PPP4R1: variants seen among roughly 807,000 people sequenced by gnomAD.
PPP4R1 encodes the protein protein phosphatase 4 regulatory subunit 1, also known as serine/threonine-protein phosphatase 4 regulatory subunit 1.
PPP4R1 carries 42 observed loss-of-function variants against 111.2 expected under a neutral mutation model. The observed-to-expected ratio is 0.38, with a 90% CI of 0.29 to 0.49. The LOEUF (loss-of-function observed/expected upper bound fraction) is 0.49, where lower values mean the gene tolerates loss of function less well. Ranked by LOEUF, PPP4R1 falls within the 20% of genes least tolerant of loss-of-function variation. PPP4R1 has a pLI of 0.97. For missense variants in PPP4R1, 1,012 were observed against 1,161.6 expected (o/e 0.87, Z 1.87); for synonymous variants, 409 against 405.5 (o/e 1.01, Z -0.10).
At position 9,547,473 on chromosome 18, in the gene PPP4R1, T is replaced by C. The variant is rs1598879529; in HGVS notation, c.*316A>G. 8.5e-6 allele frequency: 2 copies of C among 235,640 alleles called. No individual in the cohort carries two copies. The highest frequency in any genetic ancestry group is 1.7e-4 in the East Asian group (2 of 11,632). The allele number at this position is 235,640 out of a possible 1,614,324, so 14.6% of individuals were successfully genotyped here. ...GCAGGTCTCTGGGAATCTCATCCCT[T>C]CCATAAGGAAAATGCTCTGCCAATT... On this transcript the variant is annotated 3_prime_UTR_variant, in exon 20 of 20. Coordinates refer to ENST00000400556, the MANE Select transcript of PPP4R1 (RefSeq NM_001042388.3).
intron 11 of PPP4R1, among the ~76,000 whole-genome samples, chr18:9,566,766 T>C (rs1333830458): frequency 6.6e-6 from 1 of 152,138 alleles, no homozygotes; most frequent in Non-Finnish European, 1.5e-5. Context: ...CTGCCTGTGC[T>C]CTGTCACTGG....
rs1269709128 is a variant in PPP4R1, at chr18:9,563,388, T to C, written c.1736A>G (p.Asp579Gly). Residue 579 changes from aspartate (D) to glycine (G), a missense_variant, in exon 12 of 20, where the codon GAT (aspartate) becomes GGT (glycine). Asp to Gly is a moderately conservative substitution (Grantham distance 94). Transcript: ENST00000400556. ...TACTGAGTTTGTTACCTCAACAGCATCGCTGATTAAAGGCACAGAATCTTC... is the reference window on the plus strand; with the variant it reads ...TACTGAGTTTGTTACCTCAACAGCACCGCTGATTAAAGGCACAGAATCTTC... ...NQEDSVPLISDAVENMDSTLH... is the reference protein window; with the variant it reads ...NQEDSVPLISGAVENMDSTLH... The C allele has an allele frequency of 5.6e-6, 9 of 1,611,382 alleles. No individual in the cohort carries two copies. Among genetic ancestry groups the C allele is most frequent in the East Asian group, 4.5e-5 (2 of 44,844 alleles).
chr18:9,549,927 G>C (rs2066462072), intron 18 of PPP4R1, 125 bp downstream of exon 18: 2 of 1,387,118 alleles, frequency 1.4e-6, no homozygotes, highest in Non-Finnish European at 1.9e-6. Context: ...CCTATAAACA[G>C]CCAGGCTACT....
intron 2 of PPP4R1, among the ~76,000 whole-genome samples, chr18:9,605,566 C>CAAAAAAAAAAAA (rs34208690): frequency 1.9e-4 from 13 of 67,636 alleles, no homozygotes; most frequent in Non-Finnish European, 2.8e-4. Context: ...GCAGTCCTGT[C>CAAAAAAAAAAAA]AAAAAAAAAA....
chr18:9,613,817 C>G (rs1598975397), intron 2 of PPP4R1: 1 of 154,266 alleles, frequency 6.5e-6, no homozygotes, highest in East Asian at 1.9e-4. Flanking sequence ...TAAGGAAACA[C>G]ACCTCCCGCG....
At chr18:9,606,636 A>G (rs1318148478) in intron 2 of PPP4R1, among the ~76,000 whole-genome samples, 1 of 152,100 alleles carries the variant, frequency 6.6e-6, no homozygotes, top group Non-Finnish European at 1.5e-5. Flanking sequence ...ATTTAAGGCA[A>G]GAATAATTTG....
chr18:9,585,711 T>C lies in PPP4R1; in HGVS notation c.586-883A>G, dbSNP rs2067104513. ...AGGTTGTAGGCTATAAATTAGAATATAAAAATCTATTGTATTTCTACAAAT... is the reference window on the plus strand; with the variant it reads ...AGGTTGTAGGCTATAAATTAGAATACAAAAATCTATTGTATTTCTACAAAT... On this transcript the variant is annotated intron_variant, in intron 6 of 19. Coordinates refer to ENST00000400556, the MANE Select transcript of PPP4R1 (RefSeq NM_001042388.3). 2.0e-5 allele frequency among the ~76,000 whole-genome samples: 3 copies of C among 152,128 alleles called. No individual in the cohort carries two copies. In the South Asian group the frequency reaches 6.2e-4, roughly 32 times the overall value.
chr18:9,610,762 TCTC>T (rs1223237973), intron 2 of PPP4R1, among the ~76,000 whole-genome samples: 3 of 152,050 alleles, frequency 2.0e-5, no homozygotes. Flanking sequence ...CCCAGCCTAT[TCTC>T]CTAAATTTAA....
At chr18:9,555,755 A>C (rs1324432646) in intron 15 of PPP4R1, among the ~76,000 whole-genome samples, 6 of 152,356 alleles carry the variant, frequency 3.9e-5, no homozygotes, top group East Asian at 1.9e-4. Context: ...AAGAGGACTA[A>C]AGAAAGATAA....
At chr18:9,569,031 CAA>C (rs754830465) in intron 11 of PPP4R1, among the ~76,000 whole-genome samples, 13 of 129,052 alleles carry the variant, frequency 1.0e-4, no homozygotes, top group Admixed American at 2.4e-4. Context: ...GAGACTGTCT[CAA>C]AAAAAAAAAA....
chr18:9,588,015 C>T, intron 6 of PPP4R1, 74 bp downstream of exon 6: 1 of 1,567,120 alleles, frequency 6.4e-7, no homozygotes, highest in Non-Finnish European at 8.7e-7. Flanking sequence ...CCGTGCCTAA[C>T]CCCGGCCTGA....
At chr18:9,580,877 C>G (rs1325230552) in intron 9 of PPP4R1, among the ~76,000 whole-genome samples, 4 of 152,186 alleles carry the variant, frequency 2.6e-5, no homozygotes, top group Admixed American at 6.5e-5. Flanking sequence ...CCCCAAAAGG[C>G]ACTGGTCTAC....
chr18:9,551,729 T>C (rs2144975206), intron 16 of PPP4R1: 1 of 152,384 alleles, frequency 6.6e-6, no homozygotes, highest in South Asian at 2.1e-4. Context: ...GGAGAACTAA[T>C]GCTCCTTATT....
At position 9,584,502 on chromosome 18, in the gene PPP4R1, C is replaced by G; in HGVS notation, c.759+13G>C. The G allele has an allele frequency of 6.2e-7, 1 of 1,609,418 alleles. No individual in the cohort carries two copies. Among genetic ancestry groups the G allele is most frequent in the Non-Finnish European group, 8.5e-7 (1 of 1,178,108 alleles). ...ACACACACTGTTTACTCCTTTATAT[C>G]TGCAATACTTACCAACATTTCTTCA... On this transcript the variant is annotated intron_variant, in intron 8 of 19. Coordinates refer to ENST00000400556, the MANE Select transcript of PPP4R1 (RefSeq NM_001042388.3).
chr18:9,547,702 G>T lies in PPP4R1; in HGVS notation c.*87C>A. On this transcript the variant is annotated 3_prime_UTR_variant, in exon 20 of 20. Coordinates refer to ENST00000400556, the MANE Select transcript of PPP4R1 (RefSeq NM_001042388.3). ...AGGAGAGGAAGGTCTCTCCTCCCCC[G>T]AAAGCTATCCCAGGTCACATGCGTG... 1.3e-6 allele frequency: 2 copies of T among 1,513,210 alleles called. No individual in the cohort carries two copies. The highest frequency in any genetic ancestry group is 9.1e-7 in the Non-Finnish European group (1 of 1,104,364). 93.7% of individuals were successfully genotyped at this position (1,513,210 alleles called of 1,614,324 possible). A position where few individuals can be genotyped will look rare whatever the true frequency, so the allele number is the denominator to read the frequency against.
chr18:9,592,916 G>A (rs117616266), intron 4 of PPP4R1, among the ~76,000 whole-genome samples: 389 of 152,178 alleles, frequency 2.6e-3, no homozygotes, highest in Non-Finnish European at 3.6e-3. Flanking sequence ...GTACACAAAG[G>A]TAGATTATTG....
chr18:9,582,664 T>G (rs7231313), intron 9 of PPP4R1, among the ~76,000 whole-genome samples: 30,361 of 152,096 alleles, frequency 0.2, 3,346 homozygotes, highest in East Asian at 0.49. Context: ...GAACATTTCC[T>G]AACTCATTTT....
intron 2 of PPP4R1, among the ~76,000 whole-genome samples, chr18:9,601,193 T>C (rs2067375551): frequency 6.8e-6 from 1 of 146,322 alleles, no homozygotes; most frequent in Non-Finnish European, 1.5e-5. Context: ...CAGGTTGTTA[T>C]TGTTACTGTT....
chr18:9,591,588 A>G (rs550205483), intron 4 of PPP4R1, among the ~76,000 whole-genome samples: 69 of 152,328 alleles, frequency 4.5e-4, no homozygotes, highest in African/African-American at 1.6e-3. Context: ...CTAAGGATAC[A>G]TATTTCATTC....
Sources: gnomAD v4.1 joint callset for allele counts (sites outside exome capture counted in the v4.1 genomes callset) on GRCh38, gnomAD v4.1.1 for gene constraint, MANE v1.5 for transcripts, NCBI Gene and HGNC (gene_info 2026-07-23, HGNC 2026-07-21) for gene names.